MLLT3: variants seen among roughly 807,000 people sequenced by gnomAD.
MLLT3 encodes the protein MLLT3 super elongation complex subunit, also known as protein AF-9.
In MLLT3, 4 loss-of-function variants were observed where a neutral mutation model predicts 53.2. The ratio of observed to expected loss-of-function variants is 0.08; its 90% CI spans 0.04 to 0.17. The LOEUF (loss-of-function observed/expected upper bound fraction) is 0.17, where lower values mean the gene tolerates loss of function less well. MLLT3 is among the 10% of genes least tolerant of loss of function. The pLI is 1.00. For missense variants in MLLT3, 569 were observed against 684.0 expected (o/e 0.83, Z 1.87); for synonymous variants, 283 against 230.6 (o/e 1.23, Z -2.06).
intron 2 of MLLT3, among the ~76,000 whole-genome samples, chr9:20,523,417 C>A (rs1054901982): frequency 6.6e-6 from 1 of 152,234 alleles, no homozygotes; most frequent in South Asian, 2.1e-4. Context: ...AAAACCTACA[C>A]ATGGATGTTT....
chr9:20,376,745 C>T (rs893484278), intron 5 of MLLT3, among the ~76,000 whole-genome samples: 5 of 152,114 alleles, frequency 3.3e-5, no homozygotes, highest in Admixed American at 3.3e-4. Context: ...TTTTATCTCT[C>T]ATCACCATTT....
chr9:20,389,932 G>A (rs2118718103), intron 5 of MLLT3, among the ~76,000 whole-genome samples: 1 of 152,252 alleles, frequency 6.6e-6, no homozygotes, highest in African/African-American at 2.4e-5. Context: ...TGTCCAGTAA[G>A]GCAACTTGAT....
intron 8 of MLLT3, among the ~76,000 whole-genome samples, chr9:20,357,403 C>T (rs1821197504): frequency 6.6e-6 from 1 of 152,228 alleles, no homozygotes. Flanking sequence ...CTGAGAGAAG[C>T]AGAGCTACCT....
At position 20,399,172 on chromosome 9, in the gene MLLT3, T is replaced by C. The variant is rs1822394430; in HGVS notation, c.1125+14549A>G. 2.6e-5 allele frequency among the ~76,000 whole-genome samples: 4 copies of C among 152,248 alleles called. No homozygotes were observed. The South Asian group carries it at 8.3e-4, about 32-fold the overall frequency. ...TGTCTTATTTGTACAGGGAGTTCTC[T>C]CACTCATGTGACCTGTCTAGTCCAC... On this transcript the variant is annotated intron_variant, in intron 5 of 10. Coordinates refer to ENST00000380338, the MANE Select transcript of MLLT3 (RefSeq NM_004529.4).
At chr9:20,612,850 C>T (rs1462334576) in intron 2 of MLLT3, among the ~76,000 whole-genome samples, 2 of 152,260 alleles carry the variant, frequency 1.3e-5, no homozygotes, top group East Asian at 1.9e-4. Flanking sequence ...AGAGTATAAA[C>T]TGTCAGAACC....
chr9:20,538,277 T>C (rs1446858942), intron 2 of MLLT3, among the ~76,000 whole-genome samples: 1 of 152,208 alleles, frequency 6.6e-6, no homozygotes, highest in Non-Finnish European at 1.5e-5. Context: ...AACATTTCTC[T>C]GAGGTAGTTT....
intron 2 of MLLT3, among the ~76,000 whole-genome samples, chr9:20,556,623 C>A (rs1442794453): frequency 6.6e-6 from 1 of 152,066 alleles, no homozygotes; most frequent in African/African-American, 2.4e-5. Flanking sequence ...TAGGAGGTTG[C>A]AGTGATCCGA....
chr9:20,428,163 A>G (rs1466073034), intron 4 of MLLT3, among the ~76,000 whole-genome samples: 1 of 152,094 alleles, frequency 6.6e-6, no homozygotes, highest in Non-Finnish European at 1.5e-5. Context: ...AGACTTCACA[A>G]AAACAATAGA....
At position 20,563,390 on chromosome 9, in the gene MLLT3, G is replaced by C. The variant is rs367736476; in HGVS notation, c.193+57264C>G. On this transcript the variant is annotated intron_variant, in intron 2 of 10. Coordinates refer to ENST00000380338, the MANE Select transcript of MLLT3 (RefSeq NM_004529.4). The stretch of plus-strand genomic sequence containing the variant: ...CCGTCCTAAAGCCAGGTCCCTGCTG[G>C]GTAGGGAGGGGTGTCATATATTTGA... Among the ~76,000 whole-genome samples, 21 of 152,094 alleles carry C rather than the reference G, an allele frequency of 1.4e-4. No individual in the cohort carries two copies. The East Asian group carries it at 2.9e-3, about 21-fold the overall frequency.
chr9:20,532,316 A>T (rs1293840877), intron 2 of MLLT3, among the ~76,000 whole-genome samples: 2 of 139,658 alleles, frequency 1.4e-5, no homozygotes, highest in Admixed American at 6.8e-5. Flanking sequence ...ATAGGAAAAA[A>T]AAATATATAT....
chr9:20,436,337 G>T (rs191752462), intron 4 of MLLT3, among the ~76,000 whole-genome samples: 1 of 152,116 alleles, frequency 6.6e-6, no homozygotes, highest in Admixed American at 6.5e-5. Flanking sequence ...AAAAAGTTTA[G>T]GGGAAAGGGA....
At chr9:20,395,146 C>T (rs1351532621) in intron 5 of MLLT3, among the ~76,000 whole-genome samples, 1 of 152,146 alleles carries the variant, frequency 6.6e-6, no homozygotes, top group East Asian at 1.9e-4. Flanking sequence ...GCACAAAGCA[C>T]TTTGGAGGGA....
intron 2 of MLLT3, among the ~76,000 whole-genome samples, chr9:20,573,573 T>C (rs948737946): frequency 5.3e-5 from 8 of 152,108 alleles, no homozygotes; most frequent in African/African-American, 1.9e-4. Flanking sequence ...AAAATGCAAA[T>C]AAAGTTAATG....
intron 2 of MLLT3, among the ~76,000 whole-genome samples, chr9:20,510,711 T>C (rs1825514058): frequency 6.6e-6 from 1 of 152,006 alleles, no homozygotes; most frequent in Non-Finnish European, 1.5e-5. Flanking sequence ...TTTTCATACA[T>C]TACTTGGGAG....
intron 2 of MLLT3, among the ~76,000 whole-genome samples, chr9:20,602,685 G>A (rs1405608182): frequency 6.6e-6 from 1 of 151,656 alleles, no homozygotes; most frequent in Non-Finnish European, 1.5e-5. Context: ...TTGGCATCTT[G>A]GAGGAGTGGC....
chr9:20,487,756 C>G (rs1339387199), intron 2 of MLLT3, among the ~76,000 whole-genome samples: 9 of 152,012 alleles, frequency 5.9e-5, no homozygotes, highest in Admixed American at 5.2e-4. Context: ...CATTAGTGGT[C>G]TAAGAAAATA....
At position 20,591,381 on chromosome 9, in the gene MLLT3, A is replaced by C. The variant is rs547285240; in HGVS notation, c.193+29273T>G. On this transcript the variant is annotated intron_variant, in intron 2 of 10. Transcript: ENST00000380338. ...CAGATAGTGTGGAGGAAGCATTTTTAACAAAATATGACTCGACTGTAGGGG... is the reference window on the plus strand; with the variant it reads ...CAGATAGTGTGGAGGAAGCATTTTTCACAAAATATGACTCGACTGTAGGGG... Among the ~76,000 whole-genome samples, 13 of 152,278 alleles carry C rather than the reference A, an allele frequency of 8.5e-5. No individual in the cohort carries two copies. The East Asian group carries it at 2.5e-3, about 29-fold the overall frequency.
At chr9:20,589,664 G>C (rs1156360637) in intron 2 of MLLT3, among the ~76,000 whole-genome samples, 1 of 147,426 alleles carries the variant, frequency 6.8e-6, no homozygotes, top group Non-Finnish European at 1.5e-5. Flanking sequence ...TTTCTTGAAA[G>C]TTTCTTCTAT....
intron 4 of MLLT3, among the ~76,000 whole-genome samples, chr9:20,422,025 A>T (rs970870167): frequency 1.3e-5 from 2 of 152,178 alleles, no homozygotes; most frequent in Admixed American, 6.5e-5. Flanking sequence ...TAAAGAATCA[A>T]AACCTATTTA....
Sources: allele counts gnomAD v4.1 joint callset (sites outside exome capture counted in the v4.1 genomes callset), GRCh38; gene constraint gnomAD v4.1.1; transcripts MANE v1.5; gene names NCBI Gene and HGNC (gene_info 2026-07-23, HGNC 2026-07-21).